The following NOVA1 variants were observed in gnomAD, a reference collection of about 807,000 sequenced individuals.
The protein encoded by NOVA1 is RNA-binding protein Nova-1.
NOVA1 carries 7 observed loss-of-function variants against 38.0 expected under a neutral mutation model. The ratio of observed to expected loss-of-function variants is 0.18; its 90% CI spans 0.10 to 0.35. The LOEUF is 0.35. Among genes scored for constraint, NOVA1 ranks in the 10% least tolerant of loss-of-function variants. The pLI, the probability that NOVA1 is intolerant of heterozygous loss-of-function variation, is 1.00. For synonymous variants in NOVA1, 270 were observed against 232.5 expected (o/e 1.16, Z -1.47); for missense variants, 460 against 616.0 (o/e 0.75, Z 2.68).
At chr14:26,577,912 G>C (rs1892963071) in intron 2 of NOVA1, among the ~76,000 whole-genome samples, 1 of 151,414 alleles carries the variant, frequency 6.6e-6, no homozygotes, top group African/African-American at 2.4e-5. Flanking sequence ...AGTCATCAAA[G>C]AACAGATGGT....
At chr14:26,576,424 A>G (rs899169912) in intron 2 of NOVA1, among the ~76,000 whole-genome samples, 2 of 151,732 alleles carry the variant, frequency 1.3e-5, no homozygotes, top group Admixed American at 6.6e-5. Context: ...CTCCCAGCTG[A>G]CAGGCATAAA....
At chr14:26,507,635 GT>G (rs1887742335) in intron 2 of NOVA1, among the ~76,000 whole-genome samples, 1 of 152,070 alleles carries the variant, frequency 6.6e-6, no homozygotes, top group Non-Finnish European at 1.5e-5. Context: ...AAATCACTGT[GT>G]TCTTTAGTTT....
At chr14:26,584,807 T>A (rs565412954) in intron 2 of NOVA1, among the ~76,000 whole-genome samples, 8 of 151,440 alleles carry the variant, frequency 5.3e-5, no homozygotes, top group African/African-American at 1.9e-4. Flanking sequence ...CCCAAGACTC[T>A]GACACTAACA....
chr14:26,489,191 A>T (rs1251039082), intron 2 of NOVA1, among the ~76,000 whole-genome samples: 1 of 152,174 alleles, frequency 6.6e-6, no homozygotes, highest in Non-Finnish European at 1.5e-5. Context: ...TGCATTAGAC[A>T]AAATTAAGCA....
intron 2 of NOVA1, among the ~76,000 whole-genome samples, chr14:26,503,010 C>T (rs895468386): frequency 2.6e-5 from 4 of 152,048 alleles, no homozygotes; most frequent in Admixed American, 6.6e-5. Flanking sequence ...TGTTTGTTTT[C>T]CTTTAGTCTC....
intron 3 of NOVA1, 98 bp downstream of exon 3, chr14:26,479,879 A>T: frequency 7.5e-7 from 1 of 1,336,840 alleles, no homozygotes; most frequent in Non-Finnish European, 1.0e-6. Flanking sequence ...ATGTGTGCTT[A>T]AAATAAAAGT....
chr14:26,577,277 C>T (rs1459601322), intron 2 of NOVA1, among the ~76,000 whole-genome samples: 1 of 152,008 alleles, frequency 6.6e-6, no homozygotes, highest in Non-Finnish European at 1.5e-5. Context: ...AATAATTATG[C>T]TACTATAATG....
chr14:26,515,559 G>A (rs895734670), intron 2 of NOVA1, among the ~76,000 whole-genome samples: 2 of 151,894 alleles, frequency 1.3e-5, no homozygotes, highest in African/African-American at 4.8e-5. Flanking sequence ...AGATTACTGT[G>A]CAAACTTTTA....
At chr14:26,465,166 G>A (rs1396898894) in intron 4 of NOVA1, among the ~76,000 whole-genome samples, 2 of 152,162 alleles carry the variant, frequency 1.3e-5, no homozygotes, top group South Asian at 4.1e-4. Context: ...TATGCTGAAA[G>A]AAATACAAAT....
chr14:26,520,987 G>C (rs1888835557), intron 2 of NOVA1, among the ~76,000 whole-genome samples: 1 of 151,966 alleles, frequency 6.6e-6, no homozygotes. Flanking sequence ...TGATGTTAGA[G>C]CTCTCTGGTA....
intron 2 of NOVA1, among the ~76,000 whole-genome samples, chr14:26,549,030 G>C (rs1360526381): frequency 2.0e-5 from 3 of 152,130 alleles, no homozygotes; most frequent in Admixed American, 6.5e-5. Context: ...TTGATAGCTG[G>C]GAGGCTATCT....
chr14:26,464,568 C>T (rs535218918), intron 4 of NOVA1, among the ~76,000 whole-genome samples: 43 of 152,194 alleles, frequency 2.8e-4, no homozygotes, highest in African/African-American at 5.1e-4. Context: ...TCTATTTGTA[C>T]GCCACTTTTA....
At chr14:26,503,441 A>G (rs1474202862) in intron 2 of NOVA1, among the ~76,000 whole-genome samples, 1 of 152,132 alleles carries the variant, frequency 6.6e-6, no homozygotes, top group Non-Finnish European at 1.5e-5. Flanking sequence ...TTAAAAAATC[A>G]AACCAAACTT....
In NOVA1 at chr14:26,443,994, A is replaced by T. The variant is rs1356124403; in HGVS notation, c.*3965T>A. ...TCGAAAGCAAGAATTCCCTTCTTGGAGAAGACTTACAGTAAATAAAATTAT... is the reference window on the plus strand; with the variant it reads ...TCGAAAGCAAGAATTCCCTTCTTGGTGAAGACTTACAGTAAATAAAATTAT... On this transcript the variant is annotated 3_prime_UTR_variant, in exon 5 of 5. Transcript: ENST00000539517. 1 of 152,072 alleles carries T rather than the reference A, an allele frequency of 6.6e-6. No homozygotes were observed. The highest frequency in any genetic ancestry group is 1.5e-5 in the Non-Finnish European group (1 of 67,962). The allele number at this position is 152,072 out of a possible 1,614,324, so 9.4% of individuals were successfully genotyped here. A position where few individuals can be genotyped will look rare whatever the true frequency, so the allele number is the denominator to read the frequency against.
At chr14:26,569,049 T>C (rs1892309454) in intron 2 of NOVA1, among the ~76,000 whole-genome samples, 1 of 152,188 alleles carries the variant, frequency 6.6e-6, no homozygotes, top group Non-Finnish European at 1.5e-5. Context: ...AAACCACCTT[T>C]ATCCTAGGAT....
At chr14:26,534,568 T>G (rs1453640045) in intron 2 of NOVA1, among the ~76,000 whole-genome samples, 1 of 152,102 alleles carries the variant, frequency 6.6e-6, no homozygotes, top group Admixed American at 6.5e-5. Flanking sequence ...GCAACAATAC[T>G]TAACATAATG....
chr14:26,516,969 G>C (rs575766249), intron 2 of NOVA1, among the ~76,000 whole-genome samples: 1 of 145,210 alleles, frequency 6.9e-6, no homozygotes, highest in East Asian at 2.1e-4. Context: ...GCAGTGGCAC[G>C]ATCTTGGCTC....
intron 2 of NOVA1, among the ~76,000 whole-genome samples, chr14:26,513,208 T>C (rs1252386857): frequency 6.6e-6 from 1 of 152,010 alleles, no homozygotes; most frequent in Non-Finnish European, 1.5e-5. Context: ...AAAGGGCATT[T>C]TATTATTTTG....
At chr14:26,505,183 C>T (rs1887553313) in intron 2 of NOVA1, among the ~76,000 whole-genome samples, 1 of 152,060 alleles carries the variant, frequency 6.6e-6, no homozygotes, top group Non-Finnish European at 1.5e-5. Context: ...ACAATGTTTA[C>T]CTATTTATAA....
Sources: allele counts gnomAD v4.1 joint callset (sites outside exome capture counted in the v4.1 genomes callset), GRCh38; gene constraint gnomAD v4.1.1; transcripts MANE v1.5; gene names NCBI Gene and HGNC (gene_info 2026-07-23, HGNC 2026-07-21).